The following CDKN2A variants were observed in gnomAD, a reference collection of about 807,000 sequenced individuals.
CDKN2A encodes the protein cyclin dependent kinase inhibitor 2A.
CDKN2A carries 3 observed loss-of-function variants against 11.1 expected under a neutral mutation model. The ratio of observed to expected loss-of-function variants is 0.27; its 90% CI spans 0.12 to 0.70. CDKN2A has a LOEUF of 0.70. CDKN2A is among the 30% of genes least tolerant of loss of function. The probability of loss-of-function intolerance (pLI) is 0.77; values close to 1 mark genes in which losing one functional copy is unlikely to be tolerated. For synonymous variants in CDKN2A, 122 were observed against 108.1 expected (o/e 1.13, Z -0.80); for missense variants, 265 against 233.6 (o/e 1.13, Z -0.88).
Position 21,967,918 on chromosome 9 carries a change from C to A in CDKN2A, c.*311G>T. On this transcript the variant is annotated 3_prime_UTR_variant, in exon 3 of 3. Transcript: ENST00000304494. Reference sequence around the variant, plus strand: ...GAGGCTGCGAGGCTCGCAAGAAATGCCCACATGAATGTGCGCTTAGGGCGT... The same window carrying A: ...GAGGCTGCGAGGCTCGCAAGAAATGACCACATGAATGTGCGCTTAGGGCGT... 2.5e-6 allele frequency: 1 copy of A among 394,148 alleles called. No homozygotes were observed. Among genetic ancestry groups the A allele is most frequent in the Non-Finnish European group, 4.5e-6 (1 of 219,956 alleles). 24.4% of individuals were successfully genotyped at this position (394,148 alleles called of 1,614,324 possible).
chr9:21,977,555 G>A (rs1334556556), upstream of CDKN2A, among the ~76,000 whole-genome samples: 2 of 152,050 alleles, frequency 1.3e-5, no homozygotes, highest in Non-Finnish European at 2.9e-5. Context: ...TAGTAGAGAC[G>A]GGGTTTCACT....
chr9:21,990,392 C>T (rs1820399192), intron 2 of CDKN2A, among the ~76,000 whole-genome samples: 1 of 152,102 alleles, frequency 6.6e-6, no homozygotes, highest in African/African-American at 2.4e-5. Flanking sequence ...ACTCAGTTTC[C>T]TTGTCTTTCC....
At position 21,974,610 on chromosome 9, in the gene CDKN2A, TC is replaced by T. The variant is rs752308489; in HGVS notation, c.150+67del. ...AATCGAAGCGCTACCTGATTCCAATTCCCCTGCAAACTTCGTCCTCCAGAGT... is the reference window on the plus strand; with the variant it reads ...AATCGAAGCGCTACCTGATTCCAATTCCCTGCAAACTTCGTCCTCCAGAGT... On this transcript the variant is annotated intron_variant, in intron 1 of 2. Transcript: ENST00000304494. This position sits in a 1 kb window ranked among gnomAD's most constrained non-coding sequence, Gnocchi z 5.2. The T allele has an allele frequency of 1.9e-6, 3 of 1,613,876 alleles. No homozygotes were observed. In the African/African-American group the frequency reaches 4.0e-5, roughly 22 times the overall value.
Position 21,968,269 on chromosome 9 carries a change from G to A in CDKN2A, c.458-27C>T, listed in dbSNP as rs770705256. 1.9e-6 allele frequency: 3 copies of A among 1,613,452 alleles called. No homozygotes were observed. The highest frequency in any genetic ancestry group is 2.5e-6 in the Non-Finnish European group (3 of 1,179,508). On this transcript the variant is annotated intron_variant, in intron 2 of 2. Transcript: ENST00000304494. This position sits in a 1 kb window ranked among gnomAD's most constrained non-coding sequence, Gnocchi z 4.7. Reference sequence around the variant, plus strand: ...TGCAGAGGGCAGAAAGAAAACAGGCGTTAGAAACCTGAGGTCAAAGATGTG... The same window carrying A: ...TGCAGAGGGCAGAAAGAAAACAGGCATTAGAAACCTGAGGTCAAAGATGTG...
chr9:21,983,782 G>T (rs1321134361), intron 2 of CDKN2A, among the ~76,000 whole-genome samples: 2 of 152,006 alleles, frequency 1.3e-5, no homozygotes, highest in East Asian at 3.8e-4. Context: ...CTTAATGTGG[G>T]TGGCGGGAAA....
intron 1 of CDKN2A, chr9:21,994,451 C>T: frequency 6.4e-7 from 1 of 1,551,212 alleles, no homozygotes; most frequent in Non-Finnish European, 8.7e-7. Context: ...CGCCCCCTGC[C>T]CATCTCCGCC....
chr9:21,971,295 C>G (rs2131097897), intron 1 of CDKN2A, 87 bp from the exon 2 acceptor site: 2 of 1,536,626 alleles, frequency 1.3e-6, no homozygotes, highest in African/African-American at 2.7e-5. Context: ...CACCGCCAAG[C>G]AGACCCCCAC....
Position 21,968,878 on chromosome 9 carries a change from C to T in CDKN2A, c.458-636G>A. ...TCGCCGTTCGGTTCTCCCGAGGCAG[C>T]ATTTACACTTGAGAGTCTCAAGATT... On this transcript the variant is annotated intron_variant, in intron 2 of 2. Transcript: ENST00000304494. The surrounding 1 kb of genome is among the most constrained non-coding windows in gnomAD (Gnocchi z 4.7). The T allele has an allele frequency of 9.3e-7, 1 of 1,072,210 alleles. No homozygotes were observed. Among genetic ancestry groups the T allele is most frequent in the Admixed American group, 2.0e-5 (1 of 50,048 alleles). 66.4% of individuals were successfully genotyped at this position (1,072,210 alleles called of 1,614,324 possible).
At chr9:21,986,682 A>G (rs1385834685) in intron 2 of CDKN2A, among the ~76,000 whole-genome samples, 1 of 152,092 alleles carries the variant, frequency 6.6e-6, no homozygotes, top group East Asian at 1.9e-4. Context: ...GTGTCCTATT[A>G]TTGTTAAGCT....
In CDKN2A at chr9:21,971,121, G is replaced by T. The variant is rs121913388; in HGVS notation, c.238C>A (p.Arg80=). 1 of 1,603,816 alleles carries T rather than the reference G, an allele frequency of 6.2e-7. No homozygotes were observed. The highest frequency in any genetic ancestry group is 2.2e-5 in the East Asian group (1 of 44,830). Residue 80 remains arginine, a synonymous_variant, in exon 2 of 3, where the codon CGA becomes AGA. Transcript: ENST00000304494. Reference sequence around the variant, plus strand: ...TCCCGGGCAGCGTCGTGCACGGGTCGGGTGAGAGTGGCGGGGTCGGCGCAG... The same window carrying T: ...TCCCGGGCAGCGTCGTGCACGGGTCTGGTGAGAGTGGCGGGGTCGGCGCAG... The part of the protein sequence containing the change: ...PNCADPATLT[R]PVHDAAREGF...
In CDKN2A at chr9:21,991,361, C is replaced by T. The variant is rs1205953185; in HGVS notation, c.-4+2521G>A. Among the ~76,000 whole-genome samples, 1 of 151,524 alleles carries T rather than the reference C, an allele frequency of 6.6e-6. No individual in the cohort carries two copies. The highest frequency in any genetic ancestry group is 1.5e-5 in the Non-Finnish European group (1 of 67,952). On this transcript the variant is annotated intron_variant, in intron 2 of 3. Transcript: ENST00000494262. This position sits in a 1 kb window ranked among gnomAD's most constrained non-coding sequence, Gnocchi z 5.2. ...AGTGTATTTAATGTGTGTCCCAAGA[C>T]AATTCTTCTTCTTCCTATGTGGCCC...
chr9:21,968,297 G>A lies in CDKN2A; in HGVS notation c.458-55C>T. ...AGAAACCTGAGGTCAAAGATGTGTG[G>A]CACATCCCGCCCTCCTCTCTTGCCG... On this transcript the variant is annotated intron_variant, in intron 2 of 2. Coordinates refer to ENST00000304494, the MANE Select transcript of CDKN2A (RefSeq NM_000077.5). The surrounding 1 kb of genome is among the most constrained non-coding windows in gnomAD (Gnocchi z 4.7). The A allele has an allele frequency of 1.3e-6, 2 of 1,592,992 alleles. No individual in the cohort carries two copies. Among genetic ancestry groups the A allele is most frequent in the South Asian group, 1.1e-5 (1 of 90,558 alleles).
At position 21,991,873 on chromosome 9, in the gene CDKN2A, C is replaced by T. The variant is rs954254197; in HGVS notation, c.-4+2009G>A. The T allele has an allele frequency of 1.0e-6, 1 of 985,260 alleles. No individual in the cohort carries two copies. Among genetic ancestry groups the T allele is most frequent in the Non-Finnish European group, 1.2e-6 (1 of 829,770 alleles). 61.0% of individuals were successfully genotyped at this position (985,260 alleles called of 1,614,324 possible). Reference sequence around the variant, plus strand: ...CATGGGGAATAATGGTTTATACTAACTGCACAGTGCTTACCTTGAGAGGAC... The same window carrying T: ...CATGGGGAATAATGGTTTATACTAATTGCACAGTGCTTACCTTGAGAGGAC... On this transcript the variant is annotated intron_variant, in intron 2 of 3. Transcript: ENST00000494262. This position sits in a 1 kb window ranked among gnomAD's most constrained non-coding sequence, Gnocchi z 5.2.
Position 21,991,696 on chromosome 9 carries a change from A to C in CDKN2A, c.-4+2186T>G, listed in dbSNP as rs3731195. On this transcript the variant is annotated intron_variant, in intron 2 of 3. Coordinates refer to the CDKN2A transcript ENST00000494262. This position sits in a 1 kb window ranked among gnomAD's most constrained non-coding sequence, Gnocchi z 5.2. ...GAATAATAGATCTGTAAACCATCAT[A>C]GACGGTAATAGGCTATGTTGTTGCT... 2 of 982,502 alleles carry C rather than the reference A, an allele frequency of 2.0e-6. No homozygotes were observed. Among genetic ancestry groups the C allele is most frequent in the African/African-American group, 3.5e-5 (2 of 57,186 alleles). 60.9% of individuals were successfully genotyped at this position (982,502 alleles called of 1,614,324 possible). A position where few individuals can be genotyped will look rare whatever the true frequency, so the allele number is the denominator to read the frequency against.
intron 1 of CDKN2A, chr9:21,971,513 C>G (rs937047596): frequency 4.1e-6 from 2 of 483,112 alleles, no homozygotes; most frequent in Non-Finnish European, 6.9e-6. Context: ...AGGCTAACTT[C>G]CTGTATTTCC....
chr9:21,993,983 A>T (rs556989934), exon 2 of CDKN2A: 7 of 793,948 alleles, frequency 8.8e-6, no homozygotes, highest in African/African-American at 8.5e-5. Flanking sequence ...CGAGAACCAC[A>T]TGTCTAAGTC....
rs78764813 is a variant in CDKN2A at position 21,988,671 on chromosome 9, A to C, written c.-4+5211T>G. Among the ~76,000 whole-genome samples the C allele has an allele frequency of 8.8e-3, 1,340 of 152,262 alleles. 25 individuals carry two copies. The highest frequency in any genetic ancestry group is 0.03 in the African/African-American group (1,265 of 41,554). ...GGGTACTGTGCTCACTACTTGAGTG[A>C]CAGATTCAGTCGTACTCGAAACCTC... On this transcript the variant is annotated intron_variant, in intron 2 of 3. Transcript: ENST00000494262. The surrounding 1 kb of genome is among the most constrained non-coding windows in gnomAD (Gnocchi z 4.1).
intron 2 of CDKN2A, chr9:21,989,466 T>G (rs1256035220): frequency 6.6e-6 from 1 of 152,158 alleles, no homozygotes; most frequent in Non-Finnish European, 1.5e-5. Flanking sequence ...GGAAAAATAC[T>G]ACGGGCCACT....
upstream of CDKN2A, among the ~76,000 whole-genome samples, chr9:21,979,178 G>A (rs1295811918): frequency 6.6e-6 from 1 of 152,200 alleles, no homozygotes; most frequent in Non-Finnish European, 1.5e-5. Context: ...ATGTGCAAAG[G>A]CATAGAAGTT....
Sources: gnomAD v4.1 joint callset for allele counts (sites outside exome capture counted in the v4.1 genomes callset) on GRCh38, gnomAD v4.1.1 for gene constraint, Gnocchi (gnomAD v3.1) non-coding constraint, MANE v1.5 for transcripts, NCBI Gene and HGNC (gene_info 2026-07-23, HGNC 2026-07-21) for gene names.